SLC4A8: variants seen among roughly 807,000 people sequenced by gnomAD.
The protein encoded by SLC4A8 is electroneutral sodium bicarbonate exchanger 1.
SLC4A8 carries 40 observed loss-of-function variants against 125.0 expected under a neutral mutation model. The observed-to-expected ratio is 0.32, with a 90% CI of 0.25 to 0.42. The LOEUF is 0.42. Among genes scored for constraint, SLC4A8 ranks in the 10% least tolerant of loss-of-function variants. The pLI is 1.00. For missense variants in SLC4A8, 863 were observed against 1,355.1 expected, an observed-to-expected ratio of 0.64 and a Z score of 5.70; for synonymous variants, 456 against 476.0, an observed-to-expected ratio of 0.96 and a Z score of 0.55.
Position 51,469,658 on chromosome 12 carries a change from G to T in SLC4A8, c.1394G>T (p.Trp465Leu). 1.2e-6 allele frequency: 2 copies of T among 1,611,866 alleles called. No individual in the cohort carries two copies. Among genetic ancestry groups the T allele is most frequent in the Non-Finnish European group, 1.7e-6 (2 of 1,179,252 alleles). The change falls in exon 12 of 25, where the codon TGG (tryptophan) becomes TTG (leucine). Residue 465 changes from tryptophan (W) to leucine (L), a missense_variant. Coordinates refer to ENST00000453097, the MANE Select transcript of SLC4A8 (RefSeq NM_001039960.3). Reference protein sequence around the residue: ...LVLDIKRKAPWYWSDYRDALS... With the variant: ...LVLDIKRKAPLYWSDYRDALS... ...CTGGACATCAAGCGGAAGGCCCCCTGGTACTGGAGCGACTACCGAGATGCA... is the reference window on the plus strand; with the variant it reads ...CTGGACATCAAGCGGAAGGCCCCCTTGTACTGGAGCGACTACCGAGATGCA...
At chr12:51,494,713 A>G (rs1277345441) in intron 20 of SLC4A8, 2 of 423,712 alleles carry the variant, frequency 4.7e-6, no homozygotes, top group African/African-American at 2.0e-5. Context: ...GTGGGATAAG[A>G]GAAAGAAGTT....
intron 1 of SLC4A8, among the ~76,000 whole-genome samples, chr12:51,409,595 G>A (rs1948558053): frequency 6.6e-6 from 1 of 152,192 alleles, no homozygotes; most frequent in Admixed American, 6.5e-5. Flanking sequence ...CAGGAGCACA[G>A]TGGCTATTCA....
At chr12:51,402,816 T>G in intron 1 of SLC4A8, among the ~76,000 whole-genome samples, 1 of 152,368 alleles carries the variant, frequency 6.6e-6, no homozygotes, top group South Asian at 2.1e-4. Flanking sequence ...CATATGGTGA[T>G]TCCACTCTCC....
In SLC4A8 at chr12:51,469,765, G is replaced by A; in HGVS notation, c.1501G>A (p.Gly501Arg). The A allele has an allele frequency of 6.2e-7, 1 of 1,614,078 alleles. No homozygotes were observed. The highest frequency in any genetic ancestry group is 8.5e-7 in the Non-Finnish European group (1 of 1,180,018). Reference sequence around the variant, plus strand: ...TGTCATCACCTTTGGGGGACTGCTTGGAGAAGCCACTGAGGGACGCATAGT... The same window carrying A: ...TGTCATCACCTTTGGGGGACTGCTTAGAGAAGCCACTGAGGGACGCATAGT... ...SPVITFGGLL[G>R]EATEGRISAI... Residue 501 changes from glycine (G) to arginine (R), a missense_variant, in exon 12 of 25, where the codon GGA (glycine) becomes AGA (arginine). This residue lies in a region of SLC4A8 where 390 missense variants were observed against 634.4 expected (regional missense o/e 0.61). Coordinates refer to ENST00000453097, the MANE Select transcript of SLC4A8 (RefSeq NM_001039960.3).
chr12:51,440,612 C>T, intron 1 of SLC4A8, 96 bp from the exon 2 acceptor site: 2 of 860,208 alleles, frequency 2.3e-6, no homozygotes, highest in East Asian at 2.8e-5. Context: ...ATTGTGTTTC[C>T]CCCGTAAGTA....
intron 11 of SLC4A8, among the ~76,000 whole-genome samples, chr12:51,465,438 C>G (rs534212522): frequency 6.6e-6 from 1 of 152,156 alleles, no homozygotes; most frequent in East Asian, 1.9e-4. Flanking sequence ...TTTGGGAGAC[C>G]ATTATATTGG....
intron 14 of SLC4A8, among the ~76,000 whole-genome samples, chr12:51,472,312 T>C (rs1302613952): frequency 6.6e-6 from 1 of 152,226 alleles, no homozygotes; most frequent in Non-Finnish European, 1.5e-5. Context: ...ACAACTTCAG[T>C]CTGAAACTGT....
At chr12:51,463,309 CTGGA>C (rs1403734028) in intron 10 of SLC4A8, among the ~76,000 whole-genome samples, 1 of 152,080 alleles carries the variant, frequency 6.6e-6, no homozygotes, top group Non-Finnish European at 1.5e-5. Flanking sequence ...AGATATGAAA[CTGGA>C]ACTTAGGTCA....
intron 22 of SLC4A8, among the ~76,000 whole-genome samples, chr12:51,501,306 CCT>C: frequency 6.6e-6 from 1 of 152,308 alleles, no homozygotes; most frequent in Non-Finnish European, 1.5e-5. Flanking sequence ...CAACCCTTCC[CCT>C]GTCTTCCGCC....
chr12:51,478,567 A>G (rs1354010750), intron 16 of SLC4A8, among the ~76,000 whole-genome samples: 1 of 152,218 alleles, frequency 6.6e-6, no homozygotes, highest in Non-Finnish European at 1.5e-5. Context: ...TGTGATGAAA[A>G]GTAGAATGAT....
Position 51,507,780 on chromosome 12 carries a change from C to G in SLC4A8, c.*342C>G, listed in dbSNP as rs1938234187. The G allele has an allele frequency of 1.0e-5, 2 of 200,182 alleles. No homozygotes were observed. The highest frequency in any genetic ancestry group is 4.6e-5 in the African/African-American group (2 of 43,294). 12.4% of individuals were successfully genotyped at this position (200,182 alleles called of 1,614,324 possible). A position where few individuals can be genotyped will look rare whatever the true frequency, so the allele number is the denominator to read the frequency against. On this transcript the variant is annotated 3_prime_UTR_variant, in exon 25 of 25. Coordinates refer to ENST00000453097, the MANE Select transcript of SLC4A8 (RefSeq NM_001039960.3). Reference sequence around the variant, plus strand: ...TTCTCTGAAATTCTCTGCTGGCCTGCCAAGCCATATGGATTCATTCTGCCA... The same window carrying G: ...TTCTCTGAAATTCTCTGCTGGCCTGGCAAGCCATATGGATTCATTCTGCCA...
chr12:51,506,906 A>G lies in SLC4A8; in HGVS notation c.3270-520A>G, dbSNP rs184278217. On this transcript the variant is annotated intron_variant, in intron 24 of 24. Coordinates refer to ENST00000453097, the MANE Select transcript of SLC4A8 (RefSeq NM_001039960.3). ...AATTTAGTCCAAATACCATTTAAAT[A>G]TAAGTAAATAACTGAAGACAAAATC... 2.3e-4 allele frequency among the ~76,000 whole-genome samples: 35 copies of G among 152,340 alleles called. 1 individual carries two copies. The highest frequency in any genetic ancestry group is 6.5e-4 in the Admixed American group (10 of 15,304).
chr12:51,482,665 C>T (rs914712932), intron 16 of SLC4A8, among the ~76,000 whole-genome samples: 2 of 152,206 alleles, frequency 1.3e-5, no homozygotes, highest in African/African-American at 4.8e-5. Flanking sequence ...CAGGCGTGAG[C>T]CACCGTGCCT....
At chr12:51,505,095 T>C (rs1938109242) in intron 23 of SLC4A8, among the ~76,000 whole-genome samples, 1 of 152,192 alleles carries the variant, frequency 6.6e-6, no homozygotes, top group South Asian at 2.1e-4. Context: ...TGGTTCTTAA[T>C]AAACTTTCTA....
chr12:51,474,941 G>A, intron 15 of SLC4A8, 104 bp from the exon 16 acceptor site: 1 of 1,071,076 alleles, frequency 9.3e-7, no homozygotes, highest in Non-Finnish European at 1.4e-6. Flanking sequence ...TGCAGCCTCT[G>A]CTCCCAACAA....
At position 51,488,855 on chromosome 12, in the gene SLC4A8, C is replaced by T. The variant is rs758560170; in HGVS notation, c.2443C>T (p.Leu815Phe). ...AVIINRKEHK[L>F]KKGCGYHLDL... ...CATTATTAACAGGAAGGAACATAAG[C>T]TCAAGGTAAAAAGAGGTTCTGACCT... The change falls in exon 18 of 25, where the codon CTC becomes TTC. Residue 815 changes from leucine (L) to phenylalanine (F), a missense_variant. By Grantham distance (22) the Leu-to-Phe change is conservative. Around this residue, in one of 6 missense-constraint regions of SLC4A8, gnomAD observed 197 missense variants for 377.7 expected, o/e 0.52. Coordinates refer to ENST00000453097, the MANE Select transcript of SLC4A8 (RefSeq NM_001039960.3). 4.3e-6 allele frequency: 7 copies of T among 1,611,654 alleles called. No homozygotes were observed. The Admixed American group carries it at 1.2e-4, about 27-fold the overall frequency.
chr12:51,474,557 A>G, intron 15 of SLC4A8, 110 bp downstream of exon 15: 1 of 1,468,616 alleles, frequency 6.8e-7, no homozygotes, highest in Non-Finnish European at 9.1e-7. Context: ...ATTTACCGAA[A>G]TAAAGCTTTT....
At chr12:51,429,120 C>T (rs1236364862) in intron 1 of SLC4A8, among the ~76,000 whole-genome samples, 1 of 152,036 alleles carries the variant, frequency 6.6e-6, no homozygotes, top group Non-Finnish European at 1.5e-5. Context: ...CCATGTTGGC[C>T]AGGCTGGTCT....
At chr12:51,498,688 C>T (rs1456023234) in intron 22 of SLC4A8, among the ~76,000 whole-genome samples, 8 of 39,458 alleles carry the variant, frequency 2.0e-4, no homozygotes, top group Admixed American at 7.4e-4. Context: ...TGGGACCAGC[C>T]GGGCCAACAT....
Sources: gnomAD v4.1 joint callset for allele counts (sites outside exome capture counted in the v4.1 genomes callset) on GRCh38, gnomAD v4.1.1 for gene constraint, gnomAD v4.1.1 regional missense constraint, MANE v1.5 for transcripts, NCBI Gene and HGNC (gene_info 2026-07-23, HGNC 2026-07-21) for gene names.